DOCK1: variants seen among roughly 807,000 people sequenced by gnomAD.
DOCK1 encodes dedicator of cytokinesis protein 1.
DOCK1 carries 138 observed loss-of-function variants against 262.7 expected under a neutral mutation model. That is an observed-to-expected ratio of 0.53 (90% CI 0.46 to 0.61). The LOEUF (loss-of-function observed/expected upper bound fraction) is 0.61. DOCK1 is among the 20% of genes least tolerant of loss of function. The pLI is 0.00. For missense variants in DOCK1, 1,908 were observed against 2,370.7 expected, an observed-to-expected ratio of 0.80 and a Z score of 4.05; for synonymous variants, 866 against 867.4, an observed-to-expected ratio of 1.00 and a Z score of 0.03.
intron 23 of DOCK1, among the ~76,000 whole-genome samples, chr10:127,074,624 A>G (rs1405936466): frequency 6.6e-6 from 1 of 152,208 alleles, no homozygotes; most frequent in African/African-American, 2.4e-5. Context: ...TATCTTATTA[A>G]AACAAAGTAG....
chr10:127,251,048 C>T (rs1372954215), intron 28 of DOCK1, among the ~76,000 whole-genome samples: 1 of 151,942 alleles, frequency 6.6e-6, no homozygotes, highest in Non-Finnish European at 1.5e-5. Context: ...CCACAACCTC[C>T]TCCTCCAGGG....
intron 1 of DOCK1, among the ~76,000 whole-genome samples, chr10:126,949,200 G>T (rs1238768033): frequency 3.9e-5 from 6 of 152,076 alleles, no homozygotes; most frequent in African/African-American, 1.4e-4. Context: ...TATTGAAGGT[G>T]ACCTGGGTTG....
At chr10:126,996,979 A>T in intron 7 of DOCK1, 96 bp downstream of exon 7, 1 of 1,361,008 alleles carries the variant, frequency 7.3e-7, no homozygotes, top group Non-Finnish European at 9.7e-7. Flanking sequence ...GTCACTAAGA[A>T]AGAACCTGAA....
intron 4 of DOCK1, among the ~76,000 whole-genome samples, chr10:126,986,577 T>G (rs1021555916): frequency 6.6e-6 from 1 of 152,172 alleles, no homozygotes; most frequent in Admixed American, 6.5e-5. Context: ...CAGTGGTTGA[T>G]TTGATGAAAA....
chr10:126,988,866 A>G (rs903035164), intron 5 of DOCK1, among the ~76,000 whole-genome samples: 1 of 152,132 alleles, frequency 6.6e-6, no homozygotes, highest in Non-Finnish European at 1.5e-5. Flanking sequence ...TGAGGTGAGG[A>G]GTTTGAGACC....
intron 23 of DOCK1, among the ~76,000 whole-genome samples, chr10:127,093,046 G>GAAGGCTGT (rs1238327085): frequency 2.6e-5 from 4 of 152,106 alleles, no homozygotes; most frequent in African/African-American, 9.7e-5. Context: ...GAAGGCTCTA[G>GAAGGCTGT]AAGGCTGTAG....
At chr10:126,960,265 G>T (rs1382341887) in intron 1 of DOCK1, among the ~76,000 whole-genome samples, 1 of 152,052 alleles carries the variant, frequency 6.6e-6, no homozygotes, top group Non-Finnish European at 1.5e-5. Flanking sequence ...TGGAGAAGAT[G>T]CAGGTGTGAG....
At chr10:127,400,344 G>A (rs985372036) in intron 38 of DOCK1, among the ~76,000 whole-genome samples, 14 of 152,234 alleles carry the variant, frequency 9.2e-5, no homozygotes, top group African/African-American at 2.9e-4. Context: ...AGGCCAGTGA[G>A]CGGGTGGGGG....
In DOCK1 at chr10:127,032,183, C is replaced by T. The variant is rs754857756; in HGVS notation, c.1775C>T (p.Pro592Leu). 2 of 1,598,776 alleles carry T rather than the reference C, an allele frequency of 1.3e-6. No homozygotes were observed. The highest frequency in any genetic ancestry group is 1.7e-6 in the Non-Finnish European group (2 of 1,172,544). ...LEDAATYLSL[P>L]STKAELEEKG... ...GATGCTGCCACGTACTTGAGTCTGC[C>T]CTCCACGAAGGCAGAGTTGGAAGAA... is the stretch of plus-strand genomic sequence containing the variant. The change falls in exon 18 of 52, where the codon CCC (proline) becomes CTC (leucine). Residue 592 changes from proline (P) to leucine (L), a missense_variant. By Grantham distance (98) the Pro-to-Leu change is moderately conservative. This residue lies in a region of DOCK1 where 294 missense variants were observed against 439.9 expected (regional missense o/e 0.67). Transcript: ENST00000623213.
intron 23 of DOCK1, among the ~76,000 whole-genome samples, chr10:127,088,909 AC>A (rs1168812732): frequency 3.9e-5 from 6 of 151,940 alleles, no homozygotes; most frequent in African/African-American, 1.5e-4. Context: ...TCCTGGTGAT[AC>A]GGCCCCACCG....
intron 27 of DOCK1, among the ~76,000 whole-genome samples, chr10:127,161,643 G>A (rs1257383229): frequency 1.3e-5 from 2 of 152,130 alleles, no homozygotes; most frequent in African/African-American, 2.4e-5. Context: ...CCAGCTGCCC[G>A]GCTGCCACCT....
intron 29 of DOCK1, among the ~76,000 whole-genome samples, chr10:127,321,264 C>A (rs566230985): frequency 2.4e-5 from 3 of 126,812 alleles, no homozygotes; most frequent in Non-Finnish European, 3.3e-5. Flanking sequence ...CCTCCCCTCT[C>A]CTCCCCTCGG....
intron 28 of DOCK1, among the ~76,000 whole-genome samples, chr10:127,251,403 T>G (rs1017086637): frequency 6.6e-6 from 1 of 151,982 alleles, no homozygotes; most frequent in Non-Finnish European, 1.5e-5. Flanking sequence ...TATTATACTT[T>G]AAGTTTTAGT....
At chr10:127,073,037 T>C (rs9418834) in intron 23 of DOCK1, among the ~76,000 whole-genome samples, 95,020 of 152,136 alleles carry the variant, frequency 0.62, 29,972 homozygotes, top group South Asian at 0.74. Context: ...TCATCTGCAC[T>C]TCACTTACGA....
chr10:127,254,722 A>C (rs1031509899), intron 28 of DOCK1, among the ~76,000 whole-genome samples: 48 of 152,364 alleles, frequency 3.2e-4, no homozygotes, highest in African/African-American at 1.1e-3. Context: ...GTCCTTGTCC[A>C]TAATGGTTAC....
chr10:127,144,132 T>C (rs918195117), intron 27 of DOCK1, among the ~76,000 whole-genome samples: 1 of 152,120 alleles, frequency 6.6e-6, no homozygotes. Context: ...TCCTTGGCCA[T>C]TGAAACAGCT....
At chr10:127,260,208 A>G (rs2059972577) in intron 29 of DOCK1, among the ~76,000 whole-genome samples, 1 of 152,158 alleles carries the variant, frequency 6.6e-6, no homozygotes, top group South Asian at 2.1e-4. Context: ...GGCATTTTGG[A>G]CCAAAGCCTT....
chr10:127,447,655 G>C, intron 51 of DOCK1, 110 bp downstream of exon 51: 1 of 1,464,352 alleles, frequency 6.8e-7, no homozygotes, highest in Non-Finnish European at 9.1e-7. Context: ...GAGCACATGA[G>C]GAAAACCATG....
At chr10:126,969,147 C>T (rs1047722420) in intron 1 of DOCK1, among the ~76,000 whole-genome samples, 1 of 152,174 alleles carries the variant, frequency 6.6e-6, no homozygotes, top group Non-Finnish European at 1.5e-5. Context: ...CCAACAGGGG[C>T]ATCATTTTCT....
Sources: allele counts gnomAD v4.1 joint callset (sites outside exome capture counted in the v4.1 genomes callset), GRCh38; gene constraint gnomAD v4.1.1; regional missense constraint gnomAD v4.1.1; transcripts MANE v1.5; gene names NCBI Gene and HGNC (gene_info 2026-07-23, HGNC 2026-07-21).